The following RORA variants were observed in gnomAD, a reference collection of about 807,000 sequenced individuals.
RORA encodes the protein RAR related orphan receptor A.
RORA carries 7 observed loss-of-function variants against 69.5 expected under a neutral mutation model. The ratio of observed to expected loss-of-function variants is 0.10; its 90% CI spans 0.06 to 0.19. The LOEUF (loss-of-function observed/expected upper bound fraction) is 0.19. Ranked by LOEUF, RORA falls within the 10% of genes least tolerant of loss-of-function variation. The pLI, the probability that RORA is intolerant of heterozygous loss-of-function variation, is 1.00. For synonymous variants in RORA, 261 were observed against 240.8 expected (o/e 1.08, Z -0.78); for missense variants, 457 against 663.0 (o/e 0.69, Z 3.41).
intron 1 of RORA, among the ~76,000 whole-genome samples, chr15:61,071,125 C>G (rs2078336576): frequency 6.9e-6 from 1 of 145,174 alleles, no homozygotes; most frequent in South Asian, 2.3e-4. Context: ...TAGCACTAAC[C>G]AATATTACCA....
At chr15:61,166,951 A>G (rs926829393) in intron 1 of RORA, among the ~76,000 whole-genome samples, 2 of 152,174 alleles carry the variant, frequency 1.3e-5, no homozygotes, top group African/African-American at 4.8e-5. Flanking sequence ...GAGCCCAGCT[A>G]TGCTCACCCC....
chr15:60,865,634 A>G (rs2073478937), intron 1 of RORA, among the ~76,000 whole-genome samples: 1 of 152,186 alleles, frequency 6.6e-6, no homozygotes, highest in South Asian at 2.1e-4. Flanking sequence ...AAATCAAATC[A>G]GTTACATTCA....
intron 1 of RORA, among the ~76,000 whole-genome samples, chr15:61,170,986 G>A (rs1380051677): frequency 6.6e-6 from 1 of 152,166 alleles, no homozygotes; most frequent in African/African-American, 2.4e-5. Context: ...TACTTTACAG[G>A]TGACGACAGT....
intron 1 of RORA, among the ~76,000 whole-genome samples, chr15:60,990,313 T>A (rs1406272650): frequency 1.3e-5 from 2 of 152,238 alleles, no homozygotes; most frequent in African/African-American, 4.8e-5. Flanking sequence ...TTTCTTTTCT[T>A]ATTAGCCCTT....
In RORA at chr15:61,042,498, T is replaced by C. The variant is rs555142200; in HGVS notation, c.166+186555A>G. Among the ~76,000 whole-genome samples the C allele has an allele frequency of 1.1e-4, 16 of 152,364 alleles. No homozygotes were observed. In the South Asian group the frequency reaches 3.3e-3, roughly 32 times the overall value. On this transcript the variant is annotated intron_variant, in intron 1 of 10. Transcript: ENST00000335670. ...TGTGTAGTTAAATGCTTTCTAACAC[T>C]GTGTGAGCCCACCCTCCTCCCACCT...
At chr15:61,036,619 C>T (rs918611453) in intron 1 of RORA, among the ~76,000 whole-genome samples, 5 of 152,070 alleles carry the variant, frequency 3.3e-5, no homozygotes, top group African/African-American at 1.2e-4. Flanking sequence ...AACACTCATT[C>T]TACCAAAAAT....
chr15:60,617,887 G>T (rs185056051), intron 2 of RORA, among the ~76,000 whole-genome samples: 6 of 152,294 alleles, frequency 3.9e-5, no homozygotes, highest in Non-Finnish European at 8.8e-5. Flanking sequence ...CTATGTCAGG[G>T]TGTTGCTGTG....
intron 1 of RORA, among the ~76,000 whole-genome samples, chr15:61,104,994 C>CA (rs2078931699): frequency 1.8e-5 from 2 of 112,472 alleles, no homozygotes; most frequent in Admixed American, 1.7e-4. Flanking sequence ...GATCATGAGG[C>CA]GCCCCCCCCA....
intron 1 of RORA, among the ~76,000 whole-genome samples, chr15:60,691,964 C>T (rs563727367): frequency 2.6e-4 from 39 of 152,206 alleles, no homozygotes; most frequent in Non-Finnish European, 4.9e-4. Flanking sequence ...AGAAGCCAGG[C>T]TTGTGTGGCT....
At chr15:61,084,009 T>C (rs1566980379) in intron 1 of RORA, among the ~76,000 whole-genome samples, 3 of 151,996 alleles carry the variant, frequency 2.0e-5, no homozygotes, top group Non-Finnish European at 1.5e-5. Flanking sequence ...GTTAGCTGGG[T>C]AAGAGGTTGG....
intron 1 of RORA, among the ~76,000 whole-genome samples, chr15:61,197,727 A>G (rs1223830797): frequency 6.6e-6 from 1 of 152,156 alleles, no homozygotes; most frequent in Admixed American, 6.5e-5. Flanking sequence ...AGACGAACTC[A>G]TTACGAAACA....
At chr15:60,940,396 G>A (rs1892657082) in intron 1 of RORA, among the ~76,000 whole-genome samples, 1 of 151,978 alleles carries the variant, frequency 6.6e-6, no homozygotes, top group Admixed American at 6.6e-5. Flanking sequence ...GAAAGATGTT[G>A]AACAAAAAAG....
chr15:60,894,034 A>T (rs545421367), intron 1 of RORA, among the ~76,000 whole-genome samples: 92 of 151,874 alleles, frequency 6.1e-4, no homozygotes, highest in Admixed American at 1.4e-3. Flanking sequence ...CTGCGGGAAG[A>T]CCCCATGGCC....
chr15:60,608,969 C>T (rs552451089), intron 2 of RORA, among the ~76,000 whole-genome samples: 18 of 152,236 alleles, frequency 1.2e-4, no homozygotes, highest in African/African-American at 3.6e-4. Flanking sequence ...AAAGGGCCCC[C>T]GTGTCTATCA....
At chr15:61,137,031 GAAA>G (rs2079248416) in intron 1 of RORA, among the ~76,000 whole-genome samples, 1 of 89,254 alleles carries the variant, frequency 1.1e-5, no homozygotes, top group Non-Finnish European at 2.2e-5. Flanking sequence ...AAGAAAGAAA[GAAA>G]GAAAGAAAGA....
chr15:60,847,592 T>C (rs2073279965), intron 1 of RORA, among the ~76,000 whole-genome samples: 1 of 152,048 alleles, frequency 6.6e-6, no homozygotes, highest in African/African-American at 2.4e-5. Flanking sequence ...CAACCATATG[T>C]AGCTGTCGAG....
intron 1 of RORA, among the ~76,000 whole-genome samples, chr15:61,148,886 T>G (rs556295390): frequency 1.3e-5 from 2 of 152,036 alleles, no homozygotes; most frequent in African/African-American, 4.8e-5. Flanking sequence ...CCAAAGGGAG[T>G]GCACACACCC....
Position 61,195,615 on chromosome 15 carries a change from G to A in RORA, c.166+33438C>T, listed in dbSNP as rs1278274273. Among the ~76,000 whole-genome samples the A allele has an allele frequency of 4.6e-5, 7 of 151,978 alleles. No individual in the cohort carries two copies. The South Asian group carries it at 8.3e-4, about 18-fold the overall frequency. ...TTGACCCCATTGATAAGCAGTTGCCGGCCTTCTCCACACACAACCCCCAGC... is the reference window on the plus strand; with the variant it reads ...TTGACCCCATTGATAAGCAGTTGCCAGCCTTCTCCACACACAACCCCCAGC... On this transcript the variant is annotated intron_variant, in intron 1 of 10. Coordinates refer to ENST00000335670, the MANE Select transcript of RORA (RefSeq NM_134261.3).
At chr15:60,521,520 C>T (rs545814867) in intron 3 of RORA, among the ~76,000 whole-genome samples, 21 of 152,186 alleles carry the variant, frequency 1.4e-4, no homozygotes, top group African/African-American at 4.3e-4. Context: ...GATTTACAGG[C>T]GTGAGCCACC....
Sources: allele counts gnomAD v4.1 joint callset (sites outside exome capture counted in the v4.1 genomes callset), GRCh38; gene constraint gnomAD v4.1.1; transcripts MANE v1.5; gene names NCBI Gene and HGNC (gene_info 2026-07-23, HGNC 2026-07-21).